Variants in FGFRL1 observed in about 807,000 individuals in gnomAD.
FGFRL1 encodes fibroblast growth factor receptor like 1.
Under a neutral mutation model 36.8 loss-of-function variants are expected in FGFRL1, and 24 were observed. The ratio of observed to expected loss-of-function variants is 0.65; its 90% CI spans 0.47 to 0.92. FGFRL1 has a LOEUF of 0.92. Among genes scored for constraint, FGFRL1 ranks in the 40% least tolerant of loss-of-function variants. FGFRL1 has a pLI of 0.00. For synonymous variants in FGFRL1, 422 were observed against 344.1 expected (o/e 1.23, Z -2.50); for missense variants, 785 against 753.4 (o/e 1.04, Z -0.49).
At chr4:1,024,195 G>A (rs1374834153) in intron 5 of FGFRL1, 94 bp downstream of exon 5, 10 of 1,232,196 alleles carry the variant, frequency 8.1e-6, no homozygotes, top group South Asian at 1.8e-5. Flanking sequence ...GCTGGTGGGC[G>A]GGGGCACTGG....
At chr4:1,022,560 G>T in intron 3 of FGFRL1, 85 bp downstream of exon 3, 1 of 1,464,598 alleles carries the variant, frequency 6.8e-7, no homozygotes, top group Non-Finnish European at 9.0e-7. Context: ...ACACACCTGG[G>T]GCCCGAGAGT....
chr4:1,016,260 G>A (rs1291460606), intron 2 of FGFRL1, among the ~76,000 whole-genome samples: 1 of 152,118 alleles, frequency 6.6e-6, no homozygotes, highest in African/African-American at 2.4e-5. Flanking sequence ...AAGTGGGGAA[G>A]GGCTGCCAAG....
At chr4:1,014,247 A>G (rs1001022076) in intron 2 of FGFRL1, among the ~76,000 whole-genome samples, 4 of 151,304 alleles carry the variant, frequency 2.6e-5, no homozygotes, top group African/African-American at 2.4e-5. Context: ...AACTTTCACA[A>G]TCTTGGTGGA....
Position 1,025,743 on chromosome 4 carries a change from A to G in FGFRL1, c.*396A>G, listed in dbSNP as rs1213112432. 6.8e-6 allele frequency: 2 copies of G among 292,626 alleles called. No homozygotes were observed. The highest frequency in any genetic ancestry group is 2.2e-5 in the African/African-American group (1 of 45,574). 18.1% of individuals were successfully genotyped at this position (292,626 alleles called of 1,614,324 possible). ...GTGCTGCCTGGACACACACACACACACGGATATGCTGTCTGGACGCACACA... is the reference window on the plus strand; with the variant it reads ...GTGCTGCCTGGACACACACACACACGCGGATATGCTGTCTGGACGCACACA... On this transcript the variant is annotated 3_prime_UTR_variant, in exon 7 of 7. Coordinates refer to ENST00000510644, the MANE Select transcript of FGFRL1 (RefSeq NM_001004356.3).
intron 2 of FGFRL1, among the ~76,000 whole-genome samples, chr4:1,013,647 A>G (rs1257964502): frequency 6.6e-6 from 1 of 152,240 alleles, no homozygotes; most frequent in Non-Finnish European, 1.5e-5. Context: ...TACCATGGCC[A>G]GCGGCCTGGA....
Position 1,024,615 on chromosome 4 carries a change from C to T in FGFRL1, c.1023C>T (p.Ala341=). The T allele has an allele frequency of 6.2e-7, 1 of 1,611,526 alleles. No individual in the cohort carries two copies. Among genetic ancestry groups the T allele is most frequent in the Non-Finnish European group, 8.5e-7 (1 of 1,179,312 alleles). The change falls in exon 6 of 7, where the codon GCC becomes GCT. Residue 341 remains alanine (A), a synonymous_variant. Transcript: ENST00000510644. The part of the protein sequence containing the change: ...DDAGMYICLG[A]NTMGYSFRSA... ...CGGGCATGTACATCTGCCTTGGCGC[C>T]AACACCATGGGCTACAGCTTCCGCA...
At chr4:1,013,537 T>A (rs13104494) in intron 2 of FGFRL1, among the ~76,000 whole-genome samples, 6 of 61,060 alleles carry the variant, frequency 9.8e-5, no homozygotes, top group African/African-American at 3.0e-4. Flanking sequence ...CACCCCCCCC[T>A]ACCCCCCGCC....
chr4:1,012,500 CCT>C lies in FGFRL1; in HGVS notation c.16_17del (p.Leu6ValfsTer113). The C allele has an allele frequency of 6.4e-7, 1 of 1,570,372 alleles. No individual in the cohort carries two copies. Among genetic ancestry groups the C allele is most frequent in the Non-Finnish European group, 8.6e-7 (1 of 1,163,576 alleles). On this transcript the variant is annotated frameshift_variant, in exon 2 of 7. Transcript: ENST00000510644. LOFTEE classifies it high-confidence loss of function. ...GACAGGCCGAGATGACGCCGAGCCC[CCT>C]GTTGCTGCTCCTGCTGCCGCCGCTG... is the stretch of plus-strand genomic sequence containing the variant. MTPSP[L>X]LLLLLPPLLL...
At chr4:1,018,863 G>C (rs889617237) in intron 2 of FGFRL1, among the ~76,000 whole-genome samples, 8 of 152,258 alleles carry the variant, frequency 5.3e-5, no homozygotes, top group African/African-American at 1.9e-4. Context: ...GTCTTGGGCC[G>C]GCAACAGCAG....
chr4:1,012,463 T>G lies in FGFRL1; in HGVS notation c.-16-7T>G, dbSNP rs1445738742. Reference sequence around the variant, plus strand: ...CGTGTTAGTGACGGCGCCCCCAATGTCCCCAGGTCCGGACAGGCCGAGATG... The same window carrying G: ...CGTGTTAGTGACGGCGCCCCCAATGGCCCCAGGTCCGGACAGGCCGAGATG... On this transcript the variant is annotated splice_region_variant and splice_polypyrimidine_tract_variant and intron_variant, in intron 1 of 6. Transcript: ENST00000510644. 6.3e-6 allele frequency: 10 copies of G among 1,575,160 alleles called. No individual in the cohort carries two copies. The South Asian group carries it at 1.0e-4, about 16-fold the overall frequency.
At chr4:1,019,204 A>G (rs1577562573) in intron 2 of FGFRL1, among the ~76,000 whole-genome samples, 1 of 152,186 alleles carries the variant, frequency 6.6e-6, no homozygotes, top group East Asian at 1.9e-4. Flanking sequence ...CCCGAAGTGT[A>G]GCTGGGGCTT....
At chr4:1,020,445 G>T (rs1223707378) in intron 2 of FGFRL1, among the ~76,000 whole-genome samples, 1 of 151,940 alleles carries the variant, frequency 6.6e-6, no homozygotes, top group East Asian at 2.0e-4. Context: ...TTTCCCAGGA[G>T]CTCCATCCAG....
chr4:1,024,536 C>T lies in FGFRL1; in HGVS notation c.944C>T (p.Pro315Leu). 6.2e-7 allele frequency: 1 copy of T among 1,612,510 alleles called. No homozygotes were observed. The highest frequency in any genetic ancestry group is 8.5e-7 in the Non-Finnish European group (1 of 1,179,874). Reference protein sequence around the residue: ...VLPTGDVWSRPDGSYLNKLLI... With the variant: ...VLPTGDVWSRLDGSYLNKLLI... The stretch of plus-strand genomic sequence containing the variant: ...CCCACGGGTGACGTGTGGTCGCGGC[C>T]CGACGGCTCCTACCTCAATAAGCTG... Residue 315 changes from proline to leucine, a missense_variant, in exon 6 of 7, where the codon CCC becomes CTC. Transcript: ENST00000510644.
rs753212127 is a variant in FGFRL1 at position 1,025,321 on chromosome 4, C to T, written c.1489C>T (p.His497Tyr). 1.3e-6 allele frequency: 2 copies of T among 1,558,064 alleles called. No homozygotes were observed. Among genetic ancestry groups the T allele is most frequent in the Non-Finnish European group, 8.7e-7 (1 of 1,150,738 alleles). The change falls in exon 7 of 7, where the codon CAC becomes TAC. Residue 497 changes from histidine (H) to tyrosine (Y), a missense_variant. By Grantham distance (83) the His-to-Tyr change is moderately conservative. Coordinates refer to ENST00000510644, the MANE Select transcript of FGFRL1 (RefSeq NM_001004356.3). ...ACACTCACACGTGGAGGGCAAGGTC[C>T]ACCAGCACATCCACTATCAGTGCTA... ...HTHSHVEGKV[H>Y]QHIHYQC
chr4:1,021,385 C>T (rs529455533), intron 2 of FGFRL1, among the ~76,000 whole-genome samples: 1 of 152,092 alleles, frequency 6.6e-6, no homozygotes, highest in South Asian at 2.1e-4. Flanking sequence ...GGCTGCCCCC[C>T]AGACAGGAGC....
In FGFRL1 at chr4:1,026,001, G is replaced by C. The variant is rs1300019163; in HGVS notation, c.*654G>C. On this transcript the variant is annotated 3_prime_UTR_variant, in exon 7 of 7. Transcript: ENST00000510644. The stretch of plus-strand genomic sequence containing the variant: ...CTGCCTGGACACACGCAGATATGCT[G>C]TCTAGTCACACACACACGCAGACAT... 1.4e-5 allele frequency: 2 copies of C among 146,142 alleles called. No individual in the cohort carries two copies. Among genetic ancestry groups the C allele is most frequent in the Admixed American group, 6.8e-5 (1 of 14,756 alleles). 9.1% of individuals were successfully genotyped at this position (146,142 alleles called of 1,614,324 possible).
upstream of FGFRL1, among the ~76,000 whole-genome samples, chr4:1,011,617 C>A (rs1160021448): frequency 5.9e-5 from 8 of 134,714 alleles, no homozygotes; most frequent in South Asian, 2.2e-3. Context: ...GCTCGGCGCT[C>A]GCTCCGGGAG....
chr4:1,018,002 C>T (rs1329193487), intron 2 of FGFRL1, among the ~76,000 whole-genome samples: 2 of 152,186 alleles, frequency 1.3e-5, no homozygotes, highest in South Asian at 2.1e-4. Flanking sequence ...GTGGCCAGGA[C>T]GGGCCCTTCC....
Position 1,021,178 on chromosome 4 carries a change from T to C in FGFRL1, c.80-1025T>C, listed in dbSNP as rs1414424871. 6.9e-4 allele frequency among the ~76,000 whole-genome samples: 5 copies of C among 7,262 alleles called. No individual in the cohort carries two copies. In the East Asian group the frequency reaches 0.024, roughly 35 times the overall value. 4.8% of individuals were successfully genotyped at this position (7,262 alleles called of 152,430 possible). ...GACCCAGACAGGGGGTGGGGTGGGA[T>C]GGGGACCCAGGCAGGGGATGGGGTG... is the stretch of plus-strand genomic sequence containing the variant. On this transcript the variant is annotated intron_variant, in intron 2 of 6. Transcript: ENST00000510644.
Sources: gnomAD v4.1 joint callset for allele counts (sites outside exome capture counted in the v4.1 genomes callset) on GRCh38, gnomAD v4.1.1 for gene constraint, MANE v1.5 for transcripts, NCBI Gene and HGNC (gene_info 2026-07-23, HGNC 2026-07-21) for gene names.